DOK6: variants seen among roughly 807,000 people sequenced by gnomAD.
The protein encoded by DOK6 is docking protein 6, also known as downstream of tyrosine kinase 6.
DOK6 carries 22 observed loss-of-function variants against 44.0 expected under a neutral mutation model. That is an observed-to-expected ratio of 0.50 (90% CI 0.36 to 0.71). The LOEUF is 0.71. Ranked by LOEUF, DOK6 falls within the 30% of genes least tolerant of loss-of-function variation. DOK6 has a pLI of 0.00. For missense variants in DOK6, 340 were observed against 416.4 expected (o/e 0.82, Z 1.60); for synonymous variants, 166 against 145.5 (o/e 1.14, Z -1.01).
At chr18:69,633,609 T>C (rs1259843240) in intron 3 of DOK6, among the ~76,000 whole-genome samples, 14 of 152,196 alleles carry the variant, frequency 9.2e-5, no homozygotes, top group Non-Finnish European at 2.1e-4. Context: ...AATTTCCTAT[T>C]TTGTTTTCCT....
intron 1 of DOK6, among the ~76,000 whole-genome samples, chr18:69,545,194 A>G (rs1461538846): frequency 2.6e-5 from 4 of 151,082 alleles, no homozygotes; most frequent in Admixed American, 1.3e-4. Context: ...ACAAAGGACT[A>G]TTTATTCCGC....
chr18:69,661,345 C>T (rs1985520576), intron 3 of DOK6: 1 of 152,202 alleles, frequency 6.6e-6, no homozygotes, highest in Non-Finnish European at 1.5e-5. Context: ...CCCTCATGAC[C>T]TAATGACATC....
intron 1 of DOK6, among the ~76,000 whole-genome samples, chr18:69,508,388 TC>T (rs1260545836): frequency 6.6e-6 from 1 of 152,216 alleles, no homozygotes; most frequent in Non-Finnish European, 1.5e-5. Flanking sequence ...TTGAGAAATA[TC>T]CCCTTCTCTC....
chr18:69,836,283 G>A (rs1982051665), intron 7 of DOK6, among the ~76,000 whole-genome samples: 1 of 152,132 alleles, frequency 6.6e-6, no homozygotes, highest in South Asian at 2.1e-4. Flanking sequence ...ATACTCTTGA[G>A]TTCCTGGAAT....
chr18:69,476,807 T>G (rs1278332953), intron 1 of DOK6, among the ~76,000 whole-genome samples: 5 of 152,190 alleles, frequency 3.3e-5, no homozygotes, highest in Admixed American at 2.6e-4. Flanking sequence ...TGCTGGAACT[T>G]TCCTTTCTCA....
At chr18:69,652,350 T>C (rs1437137878) in intron 3 of DOK6, among the ~76,000 whole-genome samples, 1 of 152,240 alleles carries the variant, frequency 6.6e-6, no homozygotes, top group East Asian at 1.9e-4. Flanking sequence ...AAGACGAATA[T>C]TCCACATAAA....
intron 5 of DOK6, among the ~76,000 whole-genome samples, chr18:69,722,898 AC>A (rs1294673168): frequency 6.6e-6 from 1 of 152,180 alleles, no homozygotes; most frequent in African/African-American, 2.4e-5. Context: ...ACTCAAAAAT[AC>A]TAAAGAAATT....
intron 5 of DOK6, among the ~76,000 whole-genome samples, chr18:69,727,129 G>GTT (rs937049396): frequency 1.3e-5 from 2 of 152,094 alleles, no homozygotes; most frequent in African/African-American, 4.8e-5. Flanking sequence ...AGAGTGCTTG[G>GTT]TTAACAGGCA....
chr18:69,625,152 G>T (rs1164631511), intron 3 of DOK6, among the ~76,000 whole-genome samples: 1 of 152,060 alleles, frequency 6.6e-6, no homozygotes, highest in Non-Finnish European at 1.5e-5. Context: ...CATTTAAAAG[G>T]CTAGAAAGCA....
At chr18:69,481,909 A>G (rs1361509735) in intron 1 of DOK6, among the ~76,000 whole-genome samples, 8 of 152,008 alleles carry the variant, frequency 5.3e-5, no homozygotes, top group African/African-American at 1.7e-4. Flanking sequence ...TTTAATGATC[A>G]CCATTCTAAC....
At chr18:69,439,329 A>G (rs12455813) in intron 1 of DOK6, among the ~76,000 whole-genome samples, 30,444 of 152,074 alleles carry the variant, frequency 0.2, 3,359 homozygotes, top group South Asian at 0.31. Flanking sequence ...GGAATGGTAA[A>G]TGAGCATTGG....
Position 69,756,606 on chromosome 18 carries a change from G to C in DOK6, c.739-1150G>C, listed in dbSNP as rs1979363802. 2.0e-5 allele frequency among the ~76,000 whole-genome samples: 3 copies of C among 152,276 alleles called. No individual in the cohort carries two copies. The East Asian group carries it at 5.8e-4, about 29-fold the overall frequency. ...AAATGTAAGAACCTCTTAGTTTTAT[G>C]TGGCCTTGAACGACCTGGTGTGTCA... On this transcript the variant is annotated intron_variant, in intron 6 of 7. Transcript: ENST00000382713.
At position 69,599,364 on chromosome 18, in the gene DOK6, A is replaced by C; in HGVS notation, c.175-20A>C. ...AGCATACATACTGTACACTAAGTTA[A>C]ATATATTTTTTCTTTCAAGGTAACT... On this transcript the variant is annotated intron_variant, in intron 2 of 7. Coordinates refer to ENST00000382713, the MANE Select transcript of DOK6 (RefSeq NM_152721.6). The C allele has an allele frequency of 6.3e-7, 1 of 1,574,902 alleles. No homozygotes were observed. The highest frequency in any genetic ancestry group is 2.2e-5 in the East Asian group (1 of 44,590).
At chr18:69,585,724 A>G (rs752000116) in intron 2 of DOK6, among the ~76,000 whole-genome samples, 19 of 152,308 alleles carry the variant, frequency 1.2e-4, no homozygotes, top group South Asian at 8.3e-4. Context: ...TTTAGCGTCT[A>G]TGTAATCTTG....
intron 1 of DOK6, among the ~76,000 whole-genome samples, chr18:69,476,480 A>C (rs1257781890): frequency 6.6e-6 from 1 of 151,980 alleles, no homozygotes; most frequent in South Asian, 2.1e-4. Flanking sequence ...TTGATCAGTC[A>C]GAGTTCCCGG....
intron 1 of DOK6, among the ~76,000 whole-genome samples, chr18:69,415,229 GAA>G (rs1978324013): frequency 6.6e-6 from 1 of 152,092 alleles, no homozygotes; most frequent in Non-Finnish European, 1.5e-5. Flanking sequence ...CATAGGAGAA[GAA>G]ACTCTTAATT....
In DOK6 at chr18:69,803,517, A is replaced by C. The variant is rs953424064; in HGVS notation, c.857-37727A>C. ...TTATAGAATTCATTTACTCTTGATA[A>C]ATCTAATGAAAGAAATTCCAAAGGG... is the stretch of plus-strand genomic sequence containing the variant. On this transcript the variant is annotated intron_variant, in intron 7 of 7. Transcript: ENST00000382713. 1.6e-4 allele frequency among the ~76,000 whole-genome samples: 25 copies of C among 152,324 alleles called. No individual in the cohort carries two copies. In the East Asian group the frequency reaches 4.8e-3, roughly 29 times the overall value.
intron 5 of DOK6, among the ~76,000 whole-genome samples, chr18:69,700,176 G>A (rs1986482150): frequency 7.0e-6 from 1 of 143,486 alleles, no homozygotes; most frequent in African/African-American, 2.6e-5. Flanking sequence ...TTTGGGTGGG[G>A]ACAGAGTCAA....
intron 5 of DOK6, among the ~76,000 whole-genome samples, chr18:69,729,743 A>G (rs1978344861): frequency 6.6e-6 from 1 of 152,224 alleles, no homozygotes; most frequent in African/African-American, 2.4e-5. Context: ...CCAAATCTGG[A>G]TATATGCCCC....
Sources: allele counts gnomAD v4.1 joint callset (sites outside exome capture counted in the v4.1 genomes callset), GRCh38; gene constraint gnomAD v4.1.1; transcripts MANE v1.5; gene names NCBI Gene and HGNC (gene_info 2026-07-23, HGNC 2026-07-21).